TIA1: variants seen among roughly 807,000 people sequenced by gnomAD.
TIA1 encodes cytotoxic granule associated RNA binding protein TIA1.
A neutral mutation model predicts 65.9 loss-of-function variants in TIA1; 23 were observed. The observed-to-expected ratio is 0.35, with a 90% CI of 0.25 to 0.49. The LOEUF (loss-of-function observed/expected upper bound fraction) is 0.49, where lower values mean the gene tolerates loss of function less well. Among genes scored for constraint, TIA1 ranks in the 20% least tolerant of loss-of-function variants. TIA1 has a pLI of 0.98. For synonymous variants in TIA1, 147 were observed against 149.4 expected, an observed-to-expected ratio of 0.98 and a Z score of 0.12; for missense variants, 371 against 477.9, an observed-to-expected ratio of 0.78 and a Z score of 2.09.
intron 7 of TIA1, 103 bp downstream of exon 7, chr2:70,224,451 T>A (rs1431102700): frequency 6.7e-7 from 1 of 1,500,618 alleles, no homozygotes; most frequent in African/African-American, 1.4e-5. Flanking sequence ...ATTTTAATCA[T>A]CAGTAAAATA....
At chr2:70,242,718 A>T (rs1399062142) in intron 1 of TIA1, among the ~76,000 whole-genome samples, 1 of 152,050 alleles carries the variant, frequency 6.6e-6, no homozygotes, top group Non-Finnish European at 1.5e-5. Context: ...ACACAGCAGG[A>T]GGTGAGCAGC....
At chr2:70,224,472 G>T in intron 7 of TIA1, 82 bp downstream of exon 7, 1 of 1,578,018 alleles carries the variant, frequency 6.3e-7, no homozygotes, top group East Asian at 2.3e-5. Flanking sequence ...AACAGCAGAC[G>T]AAAAAAAGAT....
intron 1 of TIA1, among the ~76,000 whole-genome samples, chr2:70,240,880 C>A (rs1330536315): frequency 6.6e-6 from 1 of 151,294 alleles, no homozygotes; most frequent in Non-Finnish European, 1.5e-5. Flanking sequence ...CTCCCTGCCC[C>A]CCCACCAAAA....
intron 11 of TIA1, among the ~76,000 whole-genome samples, 185 bp from the exon 12 acceptor site, chr2:70,214,679 A>C (rs1364744180): frequency 6.6e-6 from 1 of 152,092 alleles, no homozygotes; most frequent in African/African-American, 2.4e-5. Context: ...CAACAAAACA[A>C]GTGAGGTTAT....
intron 1 of TIA1, among the ~76,000 whole-genome samples, chr2:70,244,106 C>T (rs1267127332): frequency 6.6e-6 from 1 of 152,200 alleles, no homozygotes; most frequent in Non-Finnish European, 1.5e-5. Context: ...TACATTTACT[C>T]TCTTCAGGCT....
At position 70,245,183 on chromosome 2, in the gene TIA1, C is replaced by T. The variant is rs537280696; in HGVS notation, c.26+3222G>A. 1.2e-3 allele frequency among the ~76,000 whole-genome samples: 177 copies of T among 152,280 alleles called. 1 individual carries two copies. The highest frequency in any genetic ancestry group is 4.1e-3 in the African/African-American group (170 of 41,548). On this transcript the variant is annotated intron_variant, in intron 1 of 12. Coordinates refer to ENST00000433529, the MANE Select transcript of TIA1 (RefSeq NM_022173.4). ...TGTATTTTTAGTAGAGATGGGGTTT[C>T]ACCATGTTGCCCAGGTTGGTCTCAA... is the stretch of plus-strand genomic sequence containing the variant.
At chr2:70,214,630 G>T in intron 11 of TIA1, 136 bp from the exon 12 acceptor site, 2 of 444,068 alleles carry the variant, frequency 4.5e-6, no homozygotes, top group Non-Finnish European at 7.0e-6. Flanking sequence ...AGAGTTGACT[G>T]CTAAAAAAAA....
intron 6 of TIA1, chr2:70,225,123 C>T (rs1450788866): frequency 4.9e-6 from 5 of 1,014,146 alleles, no homozygotes; most frequent in East Asian, 1.0e-4. Context: ...CAATTTATAC[C>T]CCCCTTTTTG....
chr2:70,231,195 G>A (rs565964642), intron 2 of TIA1, among the ~76,000 whole-genome samples: 121 of 152,172 alleles, frequency 8.0e-4, no homozygotes, highest in Non-Finnish European at 1.3e-3. Flanking sequence ...CCACCTACTC[G>A]GGAGGCTGAG....
chr2:70,232,641 G>A (rs1200655858), intron 2 of TIA1, among the ~76,000 whole-genome samples: 2 of 151,734 alleles, frequency 1.3e-5, no homozygotes, highest in Non-Finnish European at 2.9e-5. Context: ...GGATGAGGCA[G>A]GTGGATCACC....
At chr2:70,218,231 T>C (rs569788924) in intron 7 of TIA1, among the ~76,000 whole-genome samples, 4 of 152,292 alleles carry the variant, frequency 2.6e-5, no homozygotes, top group African/African-American at 7.2e-5. Context: ...CAATAGGAGA[T>C]AGCCAAGTCA....
intron 5 of TIA1, 94 bp downstream of exon 5, chr2:70,228,957 TCCTCCCGC>T: frequency 1.9e-6 from 2 of 1,059,376 alleles, no homozygotes; most frequent in Non-Finnish European, 1.2e-6. Context: ...AAATAATATC[TCCTCCCGC>T]CCCCCTCCCC....
Position 70,216,229 on chromosome 2 carries a change from T to A in TIA1, c.743A>T (p.Asp248Val), listed in dbSNP as rs764974057. ...GQIMEIRVFP[D>V]KGYSFVRFNS... ...CTACCGAACAAATGAATATCCTTTA[T>A]CTGGAAAGACTCGAATTTCCATTAT... The change falls in exon 10 of 13, where the codon GAT becomes GTT. Residue 248 changes from aspartate (D) to valine (V), a missense_variant. Coordinates refer to ENST00000433529, the MANE Select transcript of TIA1 (RefSeq NM_022173.4). 2 of 1,592,014 alleles carry A rather than the reference T, an allele frequency of 1.3e-6. No individual in the cohort carries two copies. The highest frequency in any genetic ancestry group is 1.7e-6 in the Non-Finnish European group (2 of 1,174,036).
intron 3 of TIA1, 97 bp from the exon 4 acceptor site, chr2:70,229,415 G>C: frequency 9.6e-7 from 1 of 1,039,924 alleles, no homozygotes; most frequent in African/African-American, 1.6e-5. Flanking sequence ...TGTTTAAGAT[G>C]AAACACTGAA....
At position 70,215,479 on chromosome 2, in the gene TIA1, T is replaced by C; in HGVS notation, c.780A>G (p.Glu260=). ...GYSFVRFNSH[E]SAAHAIVSVN... Reference sequence around the variant, plus strand: ...CAGAAACAATTGCATGTGCTGCACTTTCATGGGAATTGAACCTATTGAAAA... The same window carrying C: ...CAGAAACAATTGCATGTGCTGCACTCTCATGGGAATTGAACCTATTGAAAA... The change falls in exon 11 of 13, where the codon GAA becomes GAG. Residue 260 remains glutamate, a synonymous_variant. Coordinates refer to ENST00000433529, the MANE Select transcript of TIA1 (RefSeq NM_022173.4). The C allele has an allele frequency of 1.2e-6, 2 of 1,613,324 alleles. No homozygotes were observed. The highest frequency in any genetic ancestry group is 1.7e-6 in the Non-Finnish European group (2 of 1,179,524).
chr2:70,230,722 G>T, intron 3 of TIA1, 34 bp downstream of exon 3: 1 of 1,472,746 alleles, frequency 6.8e-7, no homozygotes, highest in Non-Finnish European at 9.3e-7. Flanking sequence ...AATTTTTTCA[G>T]TGCAAGTCAC....
At chr2:70,214,974 GA>G (rs889968431) in intron 11 of TIA1, among the ~76,000 whole-genome samples, 26 of 151,582 alleles carry the variant, frequency 1.7e-4, no homozygotes, top group African/African-American at 6.1e-4. Flanking sequence ...AAGCTGCCTG[GA>G]AAAAAAAGGC....
At chr2:70,235,347 G>A (rs924724350) in intron 2 of TIA1, among the ~76,000 whole-genome samples, 11 of 152,066 alleles carry the variant, frequency 7.2e-5, no homozygotes, top group African/African-American at 1.4e-4. Flanking sequence ...CCCGGGAGGC[G>A]GAGGTTGCAG....
chr2:70,212,230 G>C lies in TIA1; in HGVS notation c.*489C>G, dbSNP rs567046885. ...AAGGGATAACAGTGGAGATGGGACA[G>C]CTCAAACAATGCCTTTTTTTAACCT... is the stretch of plus-strand genomic sequence containing the variant. On this transcript the variant is annotated 3_prime_UTR_variant, in exon 13 of 13. Coordinates refer to ENST00000433529, the MANE Select transcript of TIA1 (RefSeq NM_022173.4). 6.5e-6 allele frequency: 1 copy of C among 153,290 alleles called. No individual in the cohort carries two copies. Among genetic ancestry groups the C allele is most frequent in the Non-Finnish European group, 1.5e-5 (1 of 68,550 alleles). 9.5% of individuals were successfully genotyped at this position (153,290 alleles called of 1,614,324 possible). A position where few individuals can be genotyped will look rare whatever the true frequency, so the allele number is the denominator to read the frequency against.
Sources: gnomAD v4.1 joint callset for allele counts (sites outside exome capture counted in the v4.1 genomes callset) on GRCh38, gnomAD v4.1.1 for gene constraint, MANE v1.5 for transcripts, NCBI Gene and HGNC (gene_info 2026-07-23, HGNC 2026-07-21) for gene names.